Variants in HYCC1 observed in about 807,000 individuals in gnomAD.
The protein encoded by HYCC1 is hyccin.
the HYCC1 span, among the ~76,000 whole-genome samples, chr7:22,908,123 T>C: frequency 1.1e-4 from 17 of 152,290 alleles, no homozygotes; most frequent in African/African-American, 3.8e-4. Flanking sequence ...GTTTATAATT[T>C]TGTTTTAGTA....
chr7:22,909,491 C>A, the HYCC1 span, among the ~76,000 whole-genome samples: 1 of 152,196 alleles, frequency 6.6e-6, no homozygotes, highest in African/African-American at 2.4e-5. Context: ...TGGCCTAACA[C>A]ACCACTCCAC....
the HYCC1 span, among the ~76,000 whole-genome samples, chr7:22,902,332 G>A: frequency 6.8e-6 from 1 of 147,728 alleles, no homozygotes; most frequent in Non-Finnish European, 1.5e-5. Flanking sequence ...CAATTTGATA[G>A]TTTTAAATTA....
At chr7:22,950,706 A>C in the HYCC1 span, among the ~76,000 whole-genome samples, 11 of 151,956 alleles carry the variant, frequency 7.2e-5, no homozygotes, top group African/African-American at 2.2e-4. Context: ...TCATTTTTAA[A>C]ATCTATTTTT....
At chr7:22,957,916 A>C in the HYCC1 span, among the ~76,000 whole-genome samples, 1 of 151,974 alleles carries the variant, frequency 6.6e-6, no homozygotes, top group Non-Finnish European at 1.5e-5. Context: ...AAATGTATAA[A>C]CAAATTTTGT....
chr7:22,972,558 T>C, the HYCC1 span, among the ~76,000 whole-genome samples: 1 of 152,246 alleles, frequency 6.6e-6, no homozygotes, highest in Admixed American at 6.5e-5. Flanking sequence ...TTGTATTAAA[T>C]GTCCAACAGA....
At chr7:22,946,828 A>G in the HYCC1 span, 4 of 726,640 alleles carry the variant, frequency 5.5e-6, no homozygotes, top group East Asian at 2.7e-5. Flanking sequence ...CATTCCAAAG[A>G]ACATTAAGAG....
the HYCC1 span, chr7:22,946,866 T>C: frequency 4.9e-6 from 5 of 1,018,726 alleles, no homozygotes; most frequent in Non-Finnish European, 7.1e-6. Context: ...GCATAATTCA[T>C]GCATTTGGAT....
At chr7:22,965,668 C>G in the HYCC1 span, among the ~76,000 whole-genome samples, 18 of 151,718 alleles carry the variant, frequency 1.2e-4, no homozygotes, top group African/African-American at 3.9e-4. Flanking sequence ...TGCTGTGTGC[C>G]TAGGCTGGAG....
At chr7:22,972,194 C>T in the HYCC1 span, among the ~76,000 whole-genome samples, 3 of 152,064 alleles carry the variant, frequency 2.0e-5, no homozygotes, top group East Asian at 1.9e-4. Flanking sequence ...GTGGCTGATG[C>T]TGCATTAAGT....
At chr7:22,940,276 G>C in the HYCC1 span, 5 of 100,050 alleles carry the variant, frequency 5.0e-5, no homozygotes, top group Non-Finnish European at 8.9e-5. Flanking sequence ...TTTTGAGATA[G>C]AGTCTCACTC....
the HYCC1 span, among the ~76,000 whole-genome samples, chr7:22,929,480 T>A: frequency 6.6e-6 from 1 of 151,866 alleles, no homozygotes; most frequent in Non-Finnish European, 1.5e-5. Flanking sequence ...TACAATGAAC[T>A]CAAACAAATT....
chr7:22,954,874 A>G, the HYCC1 span, among the ~76,000 whole-genome samples: 1 of 151,590 alleles, frequency 6.6e-6, no homozygotes, highest in African/African-American at 2.4e-5. Flanking sequence ...GTAGGGAAAC[A>G]TTGAAAGTAT....
the HYCC1 span, among the ~76,000 whole-genome samples, chr7:22,996,999 G>A: frequency 6.6e-6 from 1 of 152,100 alleles, no homozygotes; most frequent in Non-Finnish European, 1.5e-5. Context: ...TGCCAAACAT[G>A]TTCCGGAGCA....
chr7:22,968,901 G>A, the HYCC1 span, among the ~76,000 whole-genome samples: 1 of 152,146 alleles, frequency 6.6e-6, no homozygotes, highest in South Asian at 2.1e-4. Flanking sequence ...CAGGAGAATC[G>A]CTTGAACCCA....
At chr7:22,953,878 A>AT in the HYCC1 span, among the ~76,000 whole-genome samples, 1 of 151,714 alleles carries the variant, frequency 6.6e-6, no homozygotes, top group Non-Finnish European at 1.5e-5. Context: ...AAGTATTTAC[A>AT]TTTTTTAAAA....
chr7:22,998,166 T>C, the HYCC1 span, among the ~76,000 whole-genome samples: 1 of 152,204 alleles, frequency 6.6e-6, no homozygotes, highest in Non-Finnish European at 1.5e-5. Context: ...TGGACTCTAA[T>C]AAGAGAAGTT....
chr7:22,995,067 A>G, the HYCC1 span, among the ~76,000 whole-genome samples: 1 of 152,304 alleles, frequency 6.6e-6, no homozygotes, highest in East Asian at 1.9e-4. Flanking sequence ...GTTTCCCTGC[A>G]TGCAAGCTTA....
chr7:22,936,898 G>C, the HYCC1 span: 9 of 152,278 alleles, frequency 5.9e-5, no homozygotes, highest in African/African-American at 2.2e-4. Flanking sequence ...TGTATATTAT[G>C]TCCTATTGTA....
chr7:22,976,262 A>G, the HYCC1 span: 1 of 1,613,414 alleles, frequency 6.2e-7, no homozygotes, highest in South Asian at 1.1e-5. Context: ...ATGTAAGTTA[A>G]GGCAGCATTG....
Sources: allele counts gnomAD v4.1 joint callset (sites outside exome capture counted in the v4.1 genomes callset), GRCh38; gene constraint gnomAD v4.1.1; transcripts MANE v1.5; gene names NCBI Gene and HGNC (gene_info 2026-07-23, HGNC 2026-07-21).